Variants in GC observed in about 807,000 individuals in gnomAD.
GC encodes vitamin D-binding protein.
In GC, 43 loss-of-function variants were observed where a neutral mutation model predicts 56.7. The observed-to-expected ratio is 0.76, with a 90% confidence interval of 0.59 to 0.98. GC has a LOEUF of 0.98. Among genes scored for constraint, GC ranks in the 50% least tolerant of loss-of-function variants. The probability of loss-of-function intolerance (pLI) is 0.00; values close to 1 mark genes in which losing one functional copy is unlikely to be tolerated. For missense variants in GC, 529 were observed against 545.9 expected, an observed-to-expected ratio of 0.97 and a Z score of 0.31; for synonymous variants, 216 against 202.7, an observed-to-expected ratio of 1.07 and a Z score of -0.56.
At chr4:71,749,375 G>T (rs1741475176) in intron 11 of GC, among the ~76,000 whole-genome samples, 1 of 152,172 alleles carries the variant, frequency 6.6e-6, no homozygotes. Context: ...CTTTTAGGAA[G>T]CATGAATTTG....
chr4:71,765,954 G>A (rs1162010817), intron 3 of GC, among the ~76,000 whole-genome samples: 1 of 152,148 alleles, frequency 6.6e-6, no homozygotes, highest in African/African-American at 2.4e-5. Flanking sequence ...TTCCTCCGTG[G>A]GGATATTAAC....
intron 8 of GC, 45 bp downstream of exon 8, chr4:71,756,667 G>C (rs751577084): frequency 1.4e-6 from 2 of 1,400,592 alleles, no homozygotes; most frequent in Non-Finnish European, 2.0e-6. Context: ...TTTTTGTCCA[G>C]ATGAACTTAA....
exon 1 of GC, chr4:71,803,952 AC>A (rs1231039459): frequency 3.3e-6 from 5 of 1,498,280 alleles, no homozygotes; most frequent in Non-Finnish European, 4.5e-6. Flanking sequence ...AGCATTTCCT[AC>A]CAGTTGGACT....
intron 12 of GC, among the ~76,000 whole-genome samples, chr4:71,743,365 TACA>T (rs901622048): frequency 2.6e-5 from 4 of 152,190 alleles, no homozygotes; most frequent in Non-Finnish European, 5.9e-5. Flanking sequence ...GATCACCTGT[TACA>T]ACAAGGGAAA....
chr4:71,742,424 G>A (rs1741212721), intron 12 of GC, among the ~76,000 whole-genome samples: 1 of 152,058 alleles, frequency 6.6e-6, no homozygotes, highest in Non-Finnish European at 1.5e-5. Flanking sequence ...ATGTTTCATT[G>A]TCTTCAACGA....
chr4:71,803,957 T>C (rs1379514613), exon 1 of GC: 14 of 1,491,430 alleles, frequency 9.4e-6, no homozygotes, highest in South Asian at 1.2e-5. Context: ...TTCCTACCAG[T>C]TGGACTAGTC....
At chr4:71,769,456 T>C (rs1430948228) in intron 1 of GC, 56 bp from the exon 2 acceptor site, 9 of 1,085,892 alleles carry the variant, frequency 8.3e-6, no homozygotes, top group Non-Finnish European at 1.1e-5. Flanking sequence ...AATATTATGT[T>C]ACATGTACAT....
intron 11 of GC, among the ~76,000 whole-genome samples, chr4:71,751,555 A>G (rs1741556957): frequency 6.6e-6 from 1 of 152,198 alleles, no homozygotes; most frequent in Non-Finnish European, 1.5e-5. Context: ...CAATTATGCA[A>G]ATACATTTAT....
intron 10 of GC, among the ~76,000 whole-genome samples, 173 bp from the exon 11 acceptor site, chr4:71,752,823 A>G (rs1246958320): frequency 2.0e-5 from 3 of 152,214 alleles, no homozygotes; most frequent in Non-Finnish European, 2.9e-5. Context: ...TGAGATCAGA[A>G]AGTGAAACAT....
chr4:71,752,497 TGGA>T lies in GC; in HGVS notation c.1395+18_1395+20del, dbSNP rs1207472655. 1 of 1,601,442 alleles carries T rather than the reference TGGA, an allele frequency of 6.2e-7. No individual in the cohort carries two copies. Among genetic ancestry groups the T allele is most frequent in the African/African-American group, 1.3e-5 (1 of 74,478 alleles). The stretch of plus-strand genomic sequence containing the variant: ...TCTTAAAAGATTCTGCCATGTTAAG[TGGA>T]GGGTTACATTTTCCTACCTCTGAAT... On this transcript the variant is annotated intron_variant, in intron 11 of 12. Transcript: ENST00000273951.
At chr4:71,788,930 A>G (rs1742908247), upstream of GC, among the ~76,000 whole-genome samples, 1 of 151,914 alleles carries the variant, frequency 6.6e-6, no homozygotes, top group Admixed American at 6.6e-5. Context: ...GGTTCTTAGT[A>G]TTCTTAAGTA....
intron 1 of GC, among the ~76,000 whole-genome samples, chr4:71,772,799 G>A (rs1742381048): frequency 2.0e-5 from 3 of 152,070 alleles, no homozygotes. Context: ...ATAACCTGTA[G>A]AGGAAGCTGT....
chr4:71,765,882 A>G (rs1742138793), intron 3 of GC, among the ~76,000 whole-genome samples: 1 of 152,168 alleles, frequency 6.6e-6, no homozygotes, highest in African/African-American at 2.4e-5. Flanking sequence ...TAGAACTTTG[A>G]ATAACAAATG....
At chr4:71,792,290 A>G (rs1462692031) in intron 1 of GC, among the ~76,000 whole-genome samples, 3 of 152,162 alleles carry the variant, frequency 2.0e-5, no homozygotes, top group Non-Finnish European at 4.4e-5. Context: ...CAACAGTGTA[A>G]AAGCATTCCT....
intron 1 of GC, among the ~76,000 whole-genome samples, chr4:71,800,149 A>T (rs1743215353): frequency 6.6e-6 from 1 of 151,552 alleles, no homozygotes; most frequent in South Asian, 2.1e-4. Context: ...AATGTGTGCC[A>T]TGGTGGTTTG....
chr4:71,751,445 T>G (rs1342381077), intron 11 of GC, among the ~76,000 whole-genome samples: 2 of 152,204 alleles, frequency 1.3e-5, no homozygotes, highest in East Asian at 1.9e-4. Flanking sequence ...ATGTGGTGAT[T>G]AGATAAACAC....
At chr4:71,796,283 T>A (rs1185453873) in intron 1 of GC, among the ~76,000 whole-genome samples, 1 of 152,214 alleles carries the variant, frequency 6.6e-6, no homozygotes, top group Non-Finnish European at 1.5e-5. Context: ...ATTCTCCCCG[T>A]CACTTTCAGG....
At chr4:71,782,936 C>A (rs1007029917) in intron 1 of GC, among the ~76,000 whole-genome samples, 1 of 151,596 alleles carries the variant, frequency 6.6e-6, no homozygotes, top group Non-Finnish European at 1.5e-5. Flanking sequence ...TACCTAAGGA[C>A]GCATAGCTTA....
intron 1 of GC, among the ~76,000 whole-genome samples, chr4:71,797,941 T>C (rs944657262): frequency 6.6e-6 from 1 of 152,256 alleles, no homozygotes; most frequent in African/African-American, 2.4e-5. Flanking sequence ...CTGTTCTCAC[T>C]TTCTTCTCTT....
Sources: allele counts gnomAD v4.1 joint callset (sites outside exome capture counted in the v4.1 genomes callset), GRCh38; gene constraint gnomAD v4.1.1; transcripts MANE v1.5; gene names NCBI Gene and HGNC (gene_info 2026-07-23, HGNC 2026-07-21).